Variants in SPAG16 observed in about 807,000 individuals in gnomAD.
The protein encoded by SPAG16 is sperm associated antigen 16.
A neutral mutation model predicts 80.4 loss-of-function variants in SPAG16; 86 were observed. The ratio of observed to expected loss-of-function variants is 1.07; its 90% confidence interval spans 0.90 to 1.28. The LOEUF is 1.28. Ranked by LOEUF, SPAG16 falls within the 50% of genes most tolerant of loss-of-function variation. The probability of loss-of-function intolerance (pLI) is 0.00; values close to 1 mark genes in which losing one functional copy is unlikely to be tolerated. For missense variants in SPAG16, 870 were observed against 765.3 expected (o/e 1.14, Z -1.61); for synonymous variants, 294 against 265.9 (o/e 1.11, Z -1.03).
intron 12 of SPAG16, among the ~76,000 whole-genome samples, chr2:213,961,921 C>A (rs562438384): frequency 2.6e-5 from 4 of 151,886 alleles, no homozygotes; most frequent in African/African-American, 9.7e-5. Flanking sequence ...GTATTCCTTC[C>A]TCTTGTATTT....
chr2:214,213,181 C>T (rs571771708), intron 15 of SPAG16, among the ~76,000 whole-genome samples: 9 of 152,182 alleles, frequency 5.9e-5, no homozygotes, highest in Non-Finnish European at 1.3e-4. Flanking sequence ...CAGTTTCTCA[C>T]ACACACAGGG....
chr2:213,649,231 G>A (rs1178028435), intron 10 of SPAG16, among the ~76,000 whole-genome samples: 1 of 152,200 alleles, frequency 6.6e-6, no homozygotes, highest in Non-Finnish European at 1.5e-5. Flanking sequence ...ACTAACAGTT[G>A]GCAGGATTGA....
At chr2:213,328,553 G>A (rs1192790892) in intron 5 of SPAG16, among the ~76,000 whole-genome samples, 1 of 152,048 alleles carries the variant, frequency 6.6e-6, no homozygotes, top group Non-Finnish European at 1.5e-5. Flanking sequence ...ACTCAGTAAG[G>A]ATGATGCCAA....
rs1420468885 is a variant in SPAG16 at position 213,767,954 on chromosome 2, T to C, written c.1071-94531T>C. Among the ~76,000 whole-genome samples the C allele has an allele frequency of 5.3e-5, 8 of 152,302 alleles. No homozygotes were observed. In the East Asian group the frequency reaches 1.5e-3, roughly 29 times the overall value. Reference sequence around the variant, plus strand: ...CAATTATAGTATAGTGTAACAAATATTCTGATGAGAGAAATGGCAGTGTGT... The same window carrying C: ...CAATTATAGTATAGTGTAACAAATACTCTGATGAGAGAAATGGCAGTGTGT... On this transcript the variant is annotated intron_variant, in intron 10 of 15. Coordinates refer to ENST00000331683, the MANE Select transcript of SPAG16 (RefSeq NM_024532.5).
chr2:213,836,561 A>C (rs1218524721), intron 10 of SPAG16, among the ~76,000 whole-genome samples: 1 of 151,808 alleles, frequency 6.6e-6, no homozygotes, highest in Non-Finnish European at 1.5e-5. Context: ...GCCTTTTAGC[A>C]ACCCTGATTT....
intron 11 of SPAG16, among the ~76,000 whole-genome samples, chr2:213,929,533 C>G (rs2078653520): frequency 6.6e-6 from 1 of 152,204 alleles, no homozygotes; most frequent in South Asian, 2.1e-4. Flanking sequence ...TTTAATTAAT[C>G]TAAACATAAG....
At chr2:213,748,189 G>T (rs2067919126) in intron 10 of SPAG16, among the ~76,000 whole-genome samples, 1 of 151,972 alleles carries the variant, frequency 6.6e-6, no homozygotes, top group South Asian at 2.1e-4. Context: ...TGAATTTCAG[G>T]TTACGAAAAA....
chr2:213,717,190 T>C lies in SPAG16; in HGVS notation c.1071-145295T>C, dbSNP rs566559200. On this transcript the variant is annotated intron_variant, in intron 10 of 15. Transcript: ENST00000331683. ...TTTTTTTTTGAGACGGAATCTCGTC[T>C]GTCGCCCAGGCTGGAGCGCAGTGGT... 2.0e-3 allele frequency among the ~76,000 whole-genome samples: 295 copies of C among 150,800 alleles called. 2 individuals carry two copies. Among genetic ancestry groups the C allele is most frequent in the African/African-American group, 6.7e-3 (272 of 40,878 alleles).
At chr2:213,348,066 G>T (rs1267642648) in intron 6 of SPAG16, among the ~76,000 whole-genome samples, 1 of 152,162 alleles carries the variant, frequency 6.6e-6, no homozygotes, top group Admixed American at 6.5e-5. Flanking sequence ...GAATCTGGGT[G>T]CTCCTGTATT....
At chr2:213,938,628 G>T (rs2079081496) in intron 12 of SPAG16, among the ~76,000 whole-genome samples, 1 of 151,548 alleles carries the variant, frequency 6.6e-6, no homozygotes, top group Non-Finnish European at 1.5e-5. Context: ...CTAAAACATT[G>T]TTTTTGGAAT....
intron 10 of SPAG16, among the ~76,000 whole-genome samples, chr2:213,698,934 T>A (rs2065277604): frequency 6.6e-6 from 1 of 152,192 alleles, no homozygotes; most frequent in Non-Finnish European, 1.5e-5. Context: ...GCACATCAAG[T>A]ACAACGCATA....
intron 15 of SPAG16, among the ~76,000 whole-genome samples, chr2:214,269,262 A>G (rs1253314783): frequency 6.6e-6 from 1 of 152,004 alleles, no homozygotes; most frequent in Non-Finnish European, 1.5e-5. Flanking sequence ...TTAAAATCTT[A>G]TGATAAAATC....
At chr2:214,322,579 T>C (rs891458956) in intron 15 of SPAG16, among the ~76,000 whole-genome samples, 3 of 151,944 alleles carry the variant, frequency 2.0e-5, no homozygotes, top group Admixed American at 6.6e-5. Context: ...CATTTTCTTA[T>C]AGAATTTATA....
chr2:213,833,944 C>G (rs561457844), intron 10 of SPAG16, among the ~76,000 whole-genome samples: 1 of 152,060 alleles, frequency 6.6e-6, no homozygotes, highest in African/African-American at 2.4e-5. Flanking sequence ...CAAATCTCAA[C>G]TTGAATTTTA....
intron 12 of SPAG16, among the ~76,000 whole-genome samples, chr2:213,989,625 T>C (rs1410371322): frequency 6.6e-6 from 1 of 152,122 alleles, no homozygotes; most frequent in African/African-American, 2.4e-5. Context: ...ACGTAAGATA[T>C]GACTTCTAGT....
At chr2:213,680,818 C>T (rs2064340435) in intron 10 of SPAG16, among the ~76,000 whole-genome samples, 1 of 152,150 alleles carries the variant, frequency 6.6e-6, no homozygotes. Context: ...CATGAGACAT[C>T]AGTCAAATAC....
chr2:213,424,521 A>G (rs2069788900), intron 9 of SPAG16, among the ~76,000 whole-genome samples: 1 of 152,204 alleles, frequency 6.6e-6, no homozygotes, highest in Non-Finnish European at 1.5e-5. Context: ...TGGCTAATTT[A>G]CTGGAGTTAT....
intron 12 of SPAG16, among the ~76,000 whole-genome samples, chr2:213,965,042 A>G (rs2044639673): frequency 6.6e-6 from 1 of 152,192 alleles, no homozygotes; most frequent in Non-Finnish European, 1.5e-5. Context: ...TAGAAAATAC[A>G]ATGCAATGTT....
At chr2:213,664,372 C>A (rs991613099) in intron 10 of SPAG16, among the ~76,000 whole-genome samples, 1 of 152,034 alleles carries the variant, frequency 6.6e-6, no homozygotes, top group African/African-American at 2.4e-5. Flanking sequence ...TTTTCTACCA[C>A]ACATGGAATA....
Sources: allele counts gnomAD v4.1 joint callset (sites outside exome capture counted in the v4.1 genomes callset), GRCh38; gene constraint gnomAD v4.1.1; transcripts MANE v1.5; gene names NCBI Gene and HGNC (gene_info 2026-07-23, HGNC 2026-07-21).